RARB: variants seen among roughly 807,000 people sequenced by gnomAD.
RARB encodes the protein retinoic acid receptor beta, also known as HBV-activated protein.
A neutral mutation model predicts 51.9 loss-of-function variants in RARB; 17 were observed. The ratio of observed to expected loss-of-function variants is 0.33; its 90% CI spans 0.22 to 0.49. The LOEUF (loss-of-function observed/expected upper bound fraction) is 0.49, where lower values mean the gene tolerates loss of function less well. Ranked by LOEUF, RARB falls within the 20% of genes least tolerant of loss-of-function variation. The pLI, the probability that RARB is intolerant of heterozygous loss-of-function variation, is 0.99. For missense variants in RARB, 369 were observed against 550.8 expected, an observed-to-expected ratio of 0.67 and a Z score of 3.30; for synonymous variants, 215 against 195.4, an observed-to-expected ratio of 1.10 and a Z score of -0.84.
intron 5 of RARB, among the ~76,000 whole-genome samples, chr3:25,251,081 C>CT (rs1165448702): frequency 2.0e-5 from 3 of 152,016 alleles, no homozygotes; most frequent in Non-Finnish European, 4.4e-5. Flanking sequence ...TGTTTAGGTT[C>CT]TTTTTTGTGG....
chr3:25,146,863 C>T (rs1205107975), intron 4 of RARB, among the ~76,000 whole-genome samples: 1 of 152,140 alleles, frequency 6.6e-6, no homozygotes, highest in Non-Finnish European at 1.5e-5. Context: ...TCAGCTTTTT[C>T]GCTAAGCTGT....
intron 5 of RARB, among the ~76,000 whole-genome samples, chr3:25,405,252 C>A (rs1044151751): frequency 2.6e-5 from 4 of 152,176 alleles, no homozygotes; most frequent in Non-Finnish European, 4.4e-5. Flanking sequence ...GGCACAATGG[C>A]TCATGGCTGT....
intron 5 of RARB, among the ~76,000 whole-genome samples, chr3:25,202,375 C>A (rs757532290): frequency 6.6e-6 from 1 of 151,216 alleles, no homozygotes; most frequent in African/African-American, 2.4e-5. Flanking sequence ...TTGATCTTTT[C>A]AAAAAAAACA....
At chr3:24,857,687 G>A (rs558246295) in intron 1 of RARB, among the ~76,000 whole-genome samples, 12 of 152,306 alleles carry the variant, frequency 7.9e-5, no homozygotes, top group South Asian at 2.1e-4. Context: ...AGACCAAGGC[G>A]GGTGGATCAT....
intron 2 of RARB, among the ~76,000 whole-genome samples, chr3:24,935,265 A>G (rs1695525876): frequency 6.6e-6 from 1 of 152,120 alleles, no homozygotes; most frequent in Non-Finnish European, 1.5e-5. Flanking sequence ...TGTGTATATT[A>G]ATATATCCCA....
chr3:24,883,169 G>T (rs1009387971), intron 2 of RARB, among the ~76,000 whole-genome samples: 1 of 152,084 alleles, frequency 6.6e-6, no homozygotes, highest in Non-Finnish European at 1.5e-5. Flanking sequence ...CTTTATTTAA[G>T]CCAGTCAATT....
At chr3:24,904,527 G>C (rs1363771051) in intron 2 of RARB, among the ~76,000 whole-genome samples, 1 of 152,186 alleles carries the variant, frequency 6.6e-6, no homozygotes, top group Non-Finnish European at 1.5e-5. Flanking sequence ...TGCTGGAGAG[G>C]ATGTGGAGAA....
chr3:25,408,231 C>G (rs1455465602), intron 5 of RARB, among the ~76,000 whole-genome samples: 2 of 152,142 alleles, frequency 1.3e-5, no homozygotes, highest in East Asian at 1.9e-4. Flanking sequence ...AATCCATTCT[C>G]ACACTGCTAT....
chr3:25,299,312 C>G (rs1302656687), intron 5 of RARB, among the ~76,000 whole-genome samples: 1 of 152,126 alleles, frequency 6.6e-6, no homozygotes. Context: ...ATCCTCCTAC[C>G]TCAGCCTCCC....
In RARB at chr3:25,569,109, A is replaced by G. The variant is rs77641098; in HGVS notation, c.449-649A>G. On this transcript the variant is annotated intron_variant, in intron 3 of 7. Coordinates refer to ENST00000330688, the MANE Select transcript of RARB (RefSeq NM_000965.5). Reference sequence around the variant, plus strand: ...CAAGTGGCTACCAGCGAATAAGGGAATGAATGGTTTTCCAGGCTGAAGATT... The same window carrying G: ...CAAGTGGCTACCAGCGAATAAGGGAGTGAATGGTTTTCCAGGCTGAAGATT... Among the ~76,000 whole-genome samples, 773 of 152,372 alleles carry G rather than the reference A, an allele frequency of 5.1e-3. 17 individuals are homozygous for G. Among genetic ancestry groups the G allele is most frequent in the East Asian group, 0.035 (181 of 5,192 alleles).
intron 2 of RARB, among the ~76,000 whole-genome samples, chr3:24,870,980 T>C (rs1303672588): frequency 2.0e-5 from 3 of 152,154 alleles, no homozygotes; most frequent in Middle Eastern, 3.4e-3. Flanking sequence ...CTAGATCTTA[T>C]TCTATCTAAC....
At chr3:25,036,911 A>G (rs952091747) in intron 2 of RARB, among the ~76,000 whole-genome samples, 18 of 152,046 alleles carry the variant, frequency 1.2e-4, no homozygotes, top group African/African-American at 3.9e-4. Context: ...CTTCTAACCT[A>G]TGGTACTTTC....
chr3:25,441,364 A>T, intron 1 of RARB: 1 of 281,894 alleles, frequency 3.5e-6, no homozygotes, highest in Non-Finnish European at 7.1e-6. Context: ...AGTTCACTGG[A>T]CTTCGTATAA....
At chr3:25,382,824 C>T (rs1706670129) in intron 5 of RARB, among the ~76,000 whole-genome samples, 1 of 152,296 alleles carries the variant, frequency 6.6e-6, no homozygotes, top group African/African-American at 2.4e-5. Flanking sequence ...TGCCACGGCA[C>T]TCCAGCCTGG....
At chr3:24,912,902 A>G (rs933083671) in intron 2 of RARB, among the ~76,000 whole-genome samples, 1 of 151,416 alleles carries the variant, frequency 6.6e-6, no homozygotes, top group Non-Finnish European at 1.5e-5. Flanking sequence ...ATTATCCCAT[A>G]CAGGTATGTT....
At chr3:25,365,177 G>A (rs1706074586) in intron 5 of RARB, among the ~76,000 whole-genome samples, 1 of 143,106 alleles carries the variant, frequency 7.0e-6, no homozygotes, top group African/African-American at 2.5e-5. Context: ...AGGTATATAA[G>A]CCAACCATGT....
chr3:24,903,213 G>A lies in RARB; in HGVS notation c.-380+44461G>A, dbSNP rs532425823. On this transcript the variant is annotated intron_variant, in intron 2 of 11. Coordinates refer to the RARB transcript ENST00000383772. ...ATTTTTTATCTCTTACAATAGGACAGCATTTTGGCCAAAGAAAATAAAATG... is the reference window on the plus strand; with the variant it reads ...ATTTTTTATCTCTTACAATAGGACAACATTTTGGCCAAAGAAAATAAAATG... Among the ~76,000 whole-genome samples the A allele has an allele frequency of 1.8e-4, 27 of 152,026 alleles. 1 individual carries two copies. In the South Asian group the frequency reaches 5.2e-3, roughly 29 times the overall value.
intron 5 of RARB, among the ~76,000 whole-genome samples, chr3:25,244,084 T>C (rs1220138802): frequency 6.6e-6 from 1 of 152,190 alleles, no homozygotes; most frequent in Admixed American, 6.5e-5. Context: ...CTAGATTTTC[T>C]AGTTTATTTA....
intron 4 of RARB, among the ~76,000 whole-genome samples, chr3:25,164,335 G>A (rs952110997): frequency 1.3e-5 from 2 of 152,138 alleles, no homozygotes; most frequent in Non-Finnish European, 2.9e-5. Context: ...AAGGTCCTAA[G>A]GTGTCCTTAA....
Sources: gnomAD v4.1 joint callset for allele counts (sites outside exome capture counted in the v4.1 genomes callset) on GRCh38, gnomAD v4.1.1 for gene constraint, MANE v1.5 for transcripts, NCBI Gene and HGNC (gene_info 2026-07-23, HGNC 2026-07-21) for gene names.